FOXP2: variants seen among roughly 807,000 people sequenced by gnomAD.
FOXP2 encodes the protein forkhead box protein P2.
A neutral mutation model predicts 115.8 loss-of-function variants in FOXP2; 12 were observed. The observed-to-expected ratio is 0.10, with a 90% CI of 0.07 to 0.17. The LOEUF (loss-of-function observed/expected upper bound fraction) is 0.17. Ranked by LOEUF, FOXP2 falls within the 10% of genes least tolerant of loss-of-function variation. The probability of loss-of-function intolerance (pLI) is 1.00; values close to 1 mark genes in which losing one functional copy is unlikely to be tolerated. For missense variants in FOXP2, 629 were observed against 843.5 expected, an observed-to-expected ratio of 0.75 and a Z score of 3.15; for synonymous variants, 328 against 297.7, an observed-to-expected ratio of 1.10 and a Z score of -1.05.
chr7:114,365,893 A>AT (rs1325707351), intron 2 of FOXP2, among the ~76,000 whole-genome samples: 4 of 152,156 alleles, frequency 2.6e-5, no homozygotes, highest in South Asian at 4.1e-4. Flanking sequence ...AATTCTTCAG[A>AT]TTTTTTTGTG....
chr7:114,497,654 AAAATAAATAAGT>A (rs1797379237), intron 2 of FOXP2, among the ~76,000 whole-genome samples: 1 of 137,456 alleles, frequency 7.3e-6, no homozygotes, highest in Admixed American at 7.9e-5. Flanking sequence ...CTCCATCTAA[AAAATAAATAAGT>A]AAATAAATAA....
chr7:114,641,893 C>T (rs905843933), intron 6 of FOXP2, among the ~76,000 whole-genome samples: 1 of 152,106 alleles, frequency 6.6e-6, no homozygotes, highest in Non-Finnish European at 1.5e-5. Flanking sequence ...GCAACCTCTG[C>T]CTCCCAGGTT....
At chr7:114,286,118 T>A (rs542115959) in intron 1 of FOXP2, among the ~76,000 whole-genome samples, 1 of 152,070 alleles carries the variant, frequency 6.6e-6, no homozygotes, top group East Asian at 1.9e-4. Context: ...TTCTGCCCGA[T>A]TCTTAGATCA....
intron 2 of FOXP2, among the ~76,000 whole-genome samples, chr7:114,311,712 G>T (rs573935980): frequency 1.7e-4 from 26 of 152,258 alleles, no homozygotes; most frequent in Non-Finnish European, 3.5e-4. Context: ...ATAGTAGGGA[G>T]TCAAGTTTAC....
intron 3 of FOXP2, among the ~76,000 whole-genome samples, chr7:114,623,070 AT>A (rs1473586306): frequency 2.0e-5 from 3 of 151,972 alleles, no homozygotes; most frequent in African/African-American, 4.8e-5. Flanking sequence ...TATATTCTAG[AT>A]TTTACAACTT....
chr7:114,259,212 G>T (rs1437527242), intron 1 of FOXP2, among the ~76,000 whole-genome samples: 4 of 152,162 alleles, frequency 2.6e-5, no homozygotes, highest in Non-Finnish European at 5.9e-5. Flanking sequence ...AGTTATTGAT[G>T]AAAAGCAACA....
rs116198822 is a variant in FOXP2 at position 114,369,371 on chromosome 7, G to A, written c.-10-57131G>A. Among the ~76,000 whole-genome samples, 24 of 152,254 alleles carry A rather than the reference G, an allele frequency of 1.6e-4. 1 individual carries two copies. The highest frequency in any genetic ancestry group is 4.6e-4 in the African/African-American group (19 of 41,558). On this transcript the variant is annotated intron_variant, in intron 2 of 17. Coordinates refer to the FOXP2 transcript ENST00000634411. Reference sequence around the variant, plus strand: ...AGAGGGGGTGAATTTTGGTACTGATGTTCCTTGTCCAGGTGGAGTAGTCAT... The same window carrying A: ...AGAGGGGGTGAATTTTGGTACTGATATTCCTTGTCCAGGTGGAGTAGTCAT...
intron 2 of FOXP2, among the ~76,000 whole-genome samples, chr7:114,338,504 T>C (rs1451578035): frequency 6.6e-6 from 1 of 151,050 alleles, no homozygotes; most frequent in Non-Finnish European, 1.5e-5. Context: ...ATGTGCTAAA[T>C]CAAAAAATAT....
chr7:114,691,189 T>C lies in FOXP2; in HGVS notation c.*1263T>C, dbSNP rs1319000109. ...TCATTCAGTCAGTTATTTTCAGTGG[T>C]GAATACATGTTGTTAGAAGATGTCT... is the stretch of plus-strand genomic sequence containing the variant. On this transcript the variant is annotated 3_prime_UTR_variant, in exon 17 of 17. Transcript: ENST00000350908. 2 of 453,960 alleles carry C rather than the reference T, an allele frequency of 4.4e-6. No individual in the cohort carries two copies. The highest frequency in any genetic ancestry group is 2.0e-5 in the African/African-American group (1 of 50,010). The allele number at this position is 453,960 out of a possible 1,614,324, so 28.1% of individuals were successfully genotyped here.
intron 3 of FOXP2, among the ~76,000 whole-genome samples, chr7:114,576,524 C>T (rs1339885924): frequency 1.3e-5 from 2 of 151,850 alleles, no homozygotes; most frequent in Non-Finnish European, 2.9e-5. Context: ...TTCACCAAAG[C>T]ATTAGTGTGG....
intron 1 of FOXP2, among the ~76,000 whole-genome samples, chr7:114,178,101 T>C (rs906098248): frequency 2.6e-5 from 4 of 151,948 alleles, no homozygotes; most frequent in African/African-American, 9.7e-5. Context: ...AAAACAGTAT[T>C]ATGCAAAGCT....
At chr7:114,290,240 A>G (rs575279770) in intron 2 of FOXP2, among the ~76,000 whole-genome samples, 1 of 151,842 alleles carries the variant, frequency 6.6e-6, no homozygotes, top group African/African-American at 2.4e-5. Context: ...TCTCCATTTC[A>G]CCTCTCAAAG....
chr7:114,621,034 A>G (rs896508809), intron 3 of FOXP2, among the ~76,000 whole-genome samples: 3 of 152,028 alleles, frequency 2.0e-5, no homozygotes, highest in East Asian at 1.9e-4. Flanking sequence ...TTGACAGCCC[A>G]TAAGTGTTTA....
chr7:114,135,128 G>A (rs1457810838), intron 1 of FOXP2, among the ~76,000 whole-genome samples: 1 of 152,122 alleles, frequency 6.6e-6, no homozygotes, highest in Non-Finnish European at 1.5e-5. Flanking sequence ...TTCTGGAAAA[G>A]CTATACCAAT....
At chr7:114,421,990 CT>C (rs35287416) in intron 1 of FOXP2, among the ~76,000 whole-genome samples, 1 of 151,614 alleles carries the variant, frequency 6.6e-6, no homozygotes, top group Admixed American at 6.6e-5. Context: ...TATGAGGTTT[CT>C]TGTTACATAT....
chr7:114,313,574 T>C (rs1797198600), intron 2 of FOXP2, among the ~76,000 whole-genome samples: 1 of 83,794 alleles, frequency 1.2e-5, no homozygotes. Context: ...TGAAACCCCG[T>C]CTCTACTAAA....
chr7:114,290,650 T>A (rs1478574754), intron 2 of FOXP2, among the ~76,000 whole-genome samples: 1 of 152,062 alleles, frequency 6.6e-6, no homozygotes, highest in African/African-American at 2.4e-5. Context: ...TGTACTGACA[T>A]TCATTGTCAA....
chr7:114,496,383 T>C (rs531088991), intron 2 of FOXP2, among the ~76,000 whole-genome samples: 2 of 152,124 alleles, frequency 1.3e-5, no homozygotes, highest in African/African-American at 4.8e-5. Flanking sequence ...AAAATTAAAA[T>C]CTAATTAAAT....
At chr7:114,619,472 A>T (rs1229384628) in intron 3 of FOXP2, among the ~76,000 whole-genome samples, 1 of 152,140 alleles carries the variant, frequency 6.6e-6, no homozygotes, top group Non-Finnish European at 1.5e-5. Context: ...GAATCTAGAA[A>T]CTTAAATCTG....
Sources: gnomAD v4.1 joint callset for allele counts (sites outside exome capture counted in the v4.1 genomes callset) on GRCh38, gnomAD v4.1.1 for gene constraint, MANE v1.5 for transcripts, NCBI Gene and HGNC (gene_info 2026-07-23, HGNC 2026-07-21) for gene names.